The following RNF24 variants were observed in gnomAD, a reference collection of about 807,000 sequenced individuals.
The protein encoded by RNF24 is ring finger protein 24.
Under a neutral mutation model 20.0 loss-of-function variants are expected in RNF24, and 14 were observed. The observed-to-expected ratio is 0.70, with a 90% CI of 0.46 to 1.10. RNF24 has a LOEUF of 1.10. Among genes scored for constraint, RNF24 ranks in the 50% least tolerant of loss-of-function variants. The pLI, the probability that RNF24 is intolerant of heterozygous loss-of-function variation, is 0.00. For synonymous variants in RNF24, 45 were observed against 61.1 expected (o/e 0.74, Z 1.23); for missense variants, 124 against 177.6 (o/e 0.70, Z 1.71).
intron 1 of RNF24, among the ~76,000 whole-genome samples, chr20:3,997,222 T>G (rs934138062): frequency 6.8e-5 from 7 of 102,570 alleles, no homozygotes; most frequent in African/African-American, 2.8e-4. Flanking sequence ...AGAGCAAGAC[T>G]CCATCTCAAA....
At chr20:3,987,335 T>A (rs1278584834) in intron 1 of RNF24, among the ~76,000 whole-genome samples, 1 of 152,182 alleles carries the variant, frequency 6.6e-6, no homozygotes, top group African/African-American at 2.4e-5. Flanking sequence ...CATCTCAACA[T>A]GAAATAAACT....
intron 2 of RNF24, among the ~76,000 whole-genome samples, chr20:3,950,648 T>C (rs2091070791): frequency 6.6e-6 from 1 of 152,266 alleles, no homozygotes; most frequent in South Asian, 2.1e-4. Flanking sequence ...AAAACTTTTA[T>C]TTTGAAATAA....
Position 3,965,346 on chromosome 20 carries a change from C to T in RNF24, c.-7-1322G>A, listed in dbSNP as rs182901746. On this transcript the variant is annotated intron_variant, in intron 1 of 5. Transcript: ENST00000358395. ...GAGTATATTTATACTGTTGACACCACTGAGATGCTAACTGGCTGTATCTGA... is the reference window on the plus strand; with the variant it reads ...GAGTATATTTATACTGTTGACACCATTGAGATGCTAACTGGCTGTATCTGA... Among the ~76,000 whole-genome samples, 126 of 152,308 alleles carry T rather than the reference C, an allele frequency of 8.3e-4. 1 individual carries two copies. Among genetic ancestry groups the T allele is most frequent in the African/African-American group, 2.9e-3 (121 of 41,574 alleles).
chr20:3,929,630 C>G lies in RNF24; in HGVS notation c.*4433G>C, dbSNP rs1189775134. On this transcript the variant is annotated 3_prime_UTR_variant, in exon 6 of 6. Coordinates refer to ENST00000358395, the MANE Select transcript of RNF24 (RefSeq NM_001134337.3). Reference sequence around the variant, plus strand: ...ACCACTGGTCCTCACTTGGAACTGGCCAAGGTAGGGGAGGGGCCAGCAGCT... The same window carrying G: ...ACCACTGGTCCTCACTTGGAACTGGGCAAGGTAGGGGAGGGGCCAGCAGCT... 6.6e-6 allele frequency: 1 copy of G among 152,436 alleles called. No individual in the cohort carries two copies. Among genetic ancestry groups the G allele is most frequent in the Admixed American group, 6.5e-5 (1 of 15,288 alleles). The allele number at this position is 152,436 out of a possible 1,614,324, so 9.4% of individuals were successfully genotyped here.
chr20:3,952,683 T>C (rs1478730165), intron 2 of RNF24, among the ~76,000 whole-genome samples: 1 of 151,990 alleles, frequency 6.6e-6, no homozygotes, highest in East Asian at 1.9e-4. Context: ...AGTATGATGT[T>C]TTCTTTAGAT....
At chr20:4,008,360 A>AATATATATTAT (rs1233223216) in intron 1 of RNF24, among the ~76,000 whole-genome samples, 1 of 21,482 alleles carries the variant, frequency 4.7e-5, no homozygotes, top group Non-Finnish European at 1.1e-4. Flanking sequence ...TAATATGTAT[A>AATATATATTAT]ATATATATAT....
intron 1 of RNF24, among the ~76,000 whole-genome samples, chr20:4,008,333 TA>T (rs1568672113): frequency 2.2e-5 from 2 of 90,758 alleles, no homozygotes; most frequent in East Asian, 5.2e-4. Context: ...ATATATATAA[TA>T]TATATATTAT....
intron 4 of RNF24, among the ~76,000 whole-genome samples, chr20:3,940,756 G>A (rs146671206): frequency 1.3e-5 from 2 of 152,096 alleles, no homozygotes; most frequent in Non-Finnish European, 2.9e-5. Context: ...AATCATGGAG[G>A]GCCAGAAGGA....
rs147450065 is a variant in RNF24, at chr20:3,978,499, G to T, written c.-7-14475C>A. Among the ~76,000 whole-genome samples, 7 of 151,978 alleles carry T rather than the reference G, an allele frequency of 4.6e-5. No homozygotes were observed. The East Asian group carries it at 1.4e-3, about 29-fold the overall frequency. ...GTACACATATACCAAAATATCATGT[G>T]CCCCCAAAATATGTACAGCTATGCT... On this transcript the variant is annotated intron_variant, in intron 1 of 5. Coordinates refer to ENST00000358395, the MANE Select transcript of RNF24 (RefSeq NM_001134337.3).
chr20:3,954,142 T>C (rs2091114905), intron 2 of RNF24, among the ~76,000 whole-genome samples: 1 of 152,174 alleles, frequency 6.6e-6, no homozygotes, highest in Non-Finnish European at 1.5e-5. Context: ...CAGTGGTAAG[T>C]AGTGTACTCA....
intron 1 of RNF24, among the ~76,000 whole-genome samples, chr20:4,014,461 C>A (rs1446881550): frequency 6.6e-6 from 1 of 152,120 alleles, no homozygotes; most frequent in African/African-American, 2.4e-5. Flanking sequence ...GTGTCCTGTA[C>A]GGTGGAGTAT....
rs930587560 is a variant in RNF24, at chr20:3,932,064, G to A, written c.*1999C>T. On this transcript the variant is annotated 3_prime_UTR_variant, in exon 6 of 6. Transcript: ENST00000358395. Reference sequence around the variant, plus strand: ...AATTTGCAGTATTGATCATAGGAAGGGAAAAAACATTCTCTTTCCTATTAG... The same window carrying A: ...AATTTGCAGTATTGATCATAGGAAGAGAAAAAACATTCTCTTTCCTATTAG... 2.0e-5 allele frequency: 3 copies of A among 152,108 alleles called. No homozygotes were observed. Among genetic ancestry groups the A allele is most frequent in the Non-Finnish European group, 4.4e-5 (3 of 68,018 alleles). 9.4% of individuals were successfully genotyped at this position (152,108 alleles called of 1,614,324 possible).
intron 1 of RNF24, among the ~76,000 whole-genome samples, chr20:3,999,521 G>A (rs1194103668): frequency 1.3e-5 from 2 of 152,098 alleles, no homozygotes; most frequent in African/African-American, 4.8e-5. Flanking sequence ...TTGGGAGGCC[G>A]AGGCGGGCGG....
intron 2 of RNF24, among the ~76,000 whole-genome samples, chr20:3,949,953 T>C (rs1009334053): frequency 2.6e-5 from 4 of 152,096 alleles, no homozygotes; most frequent in Non-Finnish European, 1.5e-5. Context: ...CCATCTGAAA[T>C]TGGTCTTTAT....
chr20:3,949,322 G>C (rs954706547), intron 2 of RNF24, among the ~76,000 whole-genome samples: 4 of 152,110 alleles, frequency 2.6e-5, no homozygotes, highest in Admixed American at 6.5e-5. Context: ...GGAGGTTGCA[G>C]TGAGCCGAGA....
At chr20:3,937,484 C>T (rs1204776830) in intron 4 of RNF24, among the ~76,000 whole-genome samples, 6 of 152,130 alleles carry the variant, frequency 3.9e-5, no homozygotes, top group Non-Finnish European at 5.9e-5. Flanking sequence ...AGTAACAGTA[C>T]AATTCAGCAG....
chr20:3,978,214 T>G (rs1979059055), intron 1 of RNF24, among the ~76,000 whole-genome samples: 1 of 152,020 alleles, frequency 6.6e-6, no homozygotes, highest in Admixed American at 6.6e-5. Flanking sequence ...ATTTTTGTAT[T>G]TTTAGTAGAG....
intron 1 of RNF24, among the ~76,000 whole-genome samples, chr20:4,004,527 A>G (rs1442388171): frequency 1.3e-5 from 2 of 152,190 alleles, no homozygotes; most frequent in East Asian, 3.8e-4. Context: ...GTCTTTGCAG[A>G]TATAATTTAA....
chr20:3,937,821 T>C (rs550876054), intron 4 of RNF24, among the ~76,000 whole-genome samples: 9 of 152,364 alleles, frequency 5.9e-5, no homozygotes, highest in Admixed American at 3.9e-4. Flanking sequence ...AATATTCCAC[T>C]GTATGTATGT....
Sources: allele counts gnomAD v4.1 joint callset (sites outside exome capture counted in the v4.1 genomes callset), GRCh38; gene constraint gnomAD v4.1.1; transcripts MANE v1.5; gene names NCBI Gene and HGNC (gene_info 2026-07-23, HGNC 2026-07-21).